The following PKIB variants were observed in gnomAD, a reference collection of about 807,000 sequenced individuals.
The protein encoded by PKIB is cAMP-dependent protein kinase inhibitor beta, also known as PKI-beta.
In PKIB, 2 loss-of-function variants were observed where a neutral mutation model predicts 4.5. The observed-to-expected ratio is 0.44, with a 90% CI of 0.18 to 1.39. PKIB has a LOEUF of 1.39. PKIB is among the 40% of genes most tolerant of loss of function. PKIB has a pLI of 0.27. For missense variants in PKIB, 94 were observed against 92.6 expected (o/e 1.02, Z -0.06); for synonymous variants, 38 against 36.0 (o/e 1.06, Z -0.20).
chr6:122,525,510 T>C (rs2114608158), intron 2 of PKIB, among the ~76,000 whole-genome samples: 1 of 152,304 alleles, frequency 6.6e-6, no homozygotes, highest in East Asian at 1.9e-4. Context: ...CAGACATACC[T>C]TGGAGATATT....
intron 2 of PKIB, among the ~76,000 whole-genome samples, chr6:122,521,221 A>G (rs1776936131): frequency 6.6e-6 from 1 of 152,166 alleles, no homozygotes; most frequent in African/African-American, 2.4e-5. Context: ...CCAAACAGTA[A>G]CCATGACCTT....
intron 2 of PKIB, among the ~76,000 whole-genome samples, chr6:122,569,721 A>G: frequency 6.6e-6 from 1 of 152,212 alleles, no homozygotes; most frequent in East Asian, 1.9e-4. Context: ...TATACCCAGA[A>G]GAGCAATAAC....
chr6:122,543,278 C>T (rs1364997621), intron 2 of PKIB, among the ~76,000 whole-genome samples: 4 of 152,034 alleles, frequency 2.6e-5, no homozygotes, highest in Non-Finnish European at 5.9e-5. Flanking sequence ...GCAGAAATCA[C>T]CCATCTTCTG....
chr6:122,572,979 G>A (rs1297882335), intron 2 of PKIB, among the ~76,000 whole-genome samples: 2 of 152,010 alleles, frequency 1.3e-5, no homozygotes, highest in Non-Finnish European at 2.9e-5. Flanking sequence ...AATCAGTAAT[G>A]AAAAAATTGC....
At chr6:122,599,469 T>C (rs1277378344) in intron 3 of PKIB, among the ~76,000 whole-genome samples, 2 of 152,184 alleles carry the variant, frequency 1.3e-5, no homozygotes, top group East Asian at 1.9e-4. Context: ...TAAGAGCTTA[T>C]ATCTGTTTTT....
intron 2 of PKIB, among the ~76,000 whole-genome samples, chr6:122,562,022 T>G (rs1330789685): frequency 1.6e-5 from 2 of 126,552 alleles, no homozygotes; most frequent in Non-Finnish European, 1.6e-5. Context: ...TTTTTTTTGC[T>G]TTTTAACTTG....
intron 2 of PKIB, among the ~76,000 whole-genome samples, chr6:122,526,792 T>G (rs1777102249): frequency 6.6e-6 from 1 of 152,080 alleles, no homozygotes; most frequent in South Asian, 2.1e-4. Flanking sequence ...TAAATGAGCA[T>G]TTGTTTCTAG....
At chr6:122,584,985 A>G (rs1006984735) in intron 2 of PKIB, among the ~76,000 whole-genome samples, 2 of 152,144 alleles carry the variant, frequency 1.3e-5, no homozygotes, top group African/African-American at 4.8e-5. Flanking sequence ...CAATAACCTA[A>G]CAGCATGAAA....
intron 2 of PKIB, chr6:122,478,675 TG>T (rs1375817375): frequency 3.9e-5 from 6 of 152,094 alleles, no homozygotes; most frequent in African/African-American, 1.4e-4. Context: ...CACATACAAA[TG>T]GAGTCCAAAA....
intron 3 of PKIB, among the ~76,000 whole-genome samples, chr6:122,693,646 G>A (rs1157068833): frequency 6.6e-6 from 1 of 152,150 alleles, no homozygotes; most frequent in Non-Finnish European, 1.5e-5. Flanking sequence ...CCATAGACAG[G>A]ATCTGCAAAT....
chr6:122,542,967 C>T (rs973539916), intron 2 of PKIB, among the ~76,000 whole-genome samples: 9 of 152,116 alleles, frequency 5.9e-5, no homozygotes, highest in East Asian at 5.8e-4. Flanking sequence ...TGATCTCAGA[C>T]TGCTGTGCTA....
Position 122,582,006 on chromosome 6 carries a change from A to G in PKIB, c.-247-3915A>G, listed in dbSNP as rs531394892. On this transcript the variant is annotated intron_variant, in intron 2 of 6. Transcript: ENST00000392491. ...TTTAAGTGTTTATGTTCTCTTACAA[A>G]TTTATACTGCAGAGATGGTCTTTTA... is the stretch of plus-strand genomic sequence containing the variant. 2.0e-5 allele frequency among the ~76,000 whole-genome samples: 3 copies of G among 152,182 alleles called. No individual in the cohort carries two copies. The East Asian group carries it at 5.8e-4, about 29-fold the overall frequency.
At chr6:122,660,461 ATGT>A (rs1776940464) in intron 2 of PKIB, among the ~76,000 whole-genome samples, 1 of 152,150 alleles carries the variant, frequency 6.6e-6, no homozygotes, top group Non-Finnish European at 1.5e-5. Context: ...GCCTTGGGAT[ATGT>A]TGTTCTCTTA....
chr6:122,706,533 T>C (rs1194844305), intron 3 of PKIB, among the ~76,000 whole-genome samples: 1 of 152,206 alleles, frequency 6.6e-6, no homozygotes, highest in Non-Finnish European at 1.5e-5. Flanking sequence ...AAATGTTTGC[T>C]GAGGTGTAAT....
chr6:122,590,348 C>A (rs1275468016), intron 3 of PKIB, among the ~76,000 whole-genome samples: 1 of 152,150 alleles, frequency 6.6e-6, no homozygotes, highest in Non-Finnish European at 1.5e-5. Context: ...ATTTTGAAAC[C>A]TGGTTCCACC....
chr6:122,722,890 C>T (rs887536117), intron 4 of PKIB, among the ~76,000 whole-genome samples: 3 of 152,166 alleles, frequency 2.0e-5, no homozygotes, highest in African/African-American at 7.2e-5. Context: ...TTTCACCTCA[C>T]CACATCACCC....
At chr6:122,551,162 C>T (rs886082416) in intron 2 of PKIB, among the ~76,000 whole-genome samples, 18 of 152,250 alleles carry the variant, frequency 1.2e-4, no homozygotes, top group African/African-American at 4.3e-4. Flanking sequence ...ATCTGGAAAT[C>T]ATGACTTTCA....
intron 2 of PKIB, among the ~76,000 whole-genome samples, chr6:122,672,522 G>A (rs1241733513): frequency 6.6e-6 from 1 of 152,080 alleles, no homozygotes; most frequent in East Asian, 1.9e-4. Context: ...CTGTTGATAT[G>A]TCTTAGCTTC....
intron 2 of PKIB, among the ~76,000 whole-genome samples, chr6:122,485,741 C>A (rs1255990675): frequency 1.3e-5 from 2 of 152,202 alleles, no homozygotes; most frequent in Non-Finnish European, 2.9e-5. Flanking sequence ...TGGCAGAAAT[C>A]ATTAGCAGTC....
Sources: allele counts gnomAD v4.1 joint callset (sites outside exome capture counted in the v4.1 genomes callset), GRCh38; gene constraint gnomAD v4.1.1; transcripts MANE v1.5; gene names NCBI Gene and HGNC (gene_info 2026-07-23, HGNC 2026-07-21).